Variants in KIF17 observed in about 807,000 individuals in gnomAD.
KIF17 encodes the protein kinesin-like protein KIF17.
KIF17 carries 80 observed loss-of-function variants against 96.8 expected under a neutral mutation model. The ratio of observed to expected loss-of-function variants is 0.83; its 90% CI spans 0.69 to 1.00. KIF17 has a LOEUF of 1.00. Ranked by LOEUF, KIF17 falls within the 50% of genes least tolerant of loss-of-function variation. KIF17 has a pLI of 0.00. For synonymous variants in KIF17, 567 were observed against 587.5 expected (o/e 0.97, Z 0.51); for missense variants, 1,280 against 1,372.9 (o/e 0.93, Z 1.07).
intron 6 of KIF17, among the ~76,000 whole-genome samples, chr1:20,698,081 C>A (rs1052846195): frequency 3.9e-5 from 6 of 152,204 alleles, no homozygotes; most frequent in Non-Finnish European, 8.8e-5. Context: ...TCCTTCAAAA[C>A]GGAGGGGAGA....
At chr1:20,715,455 A>G (rs1452106082) in intron 2 of KIF17, 38 bp downstream of exon 2, 1 of 1,606,358 alleles carries the variant, frequency 6.2e-7, no homozygotes, top group Admixed American at 1.7e-5. Context: ...GCCCAGCTGC[A>G]GCTCTGGCCC....
chr1:20,695,599 C>T (rs60962147), intron 6 of KIF17, among the ~76,000 whole-genome samples: 39,180 of 151,848 alleles, frequency 0.26, 5,573 homozygotes, highest in African/African-American at 0.37. Flanking sequence ...ACCCTCCTCT[C>T]CCCCCACATC....
intron 11 of KIF17, among the ~76,000 whole-genome samples, chr1:20,678,880 C>T (rs1000352698): frequency 2.6e-5 from 4 of 151,542 alleles, no homozygotes; most frequent in Non-Finnish European, 4.4e-5. Context: ...GAGGTGGAAA[C>T]TGAAAGTCCT....
At chr1:20,673,875 TATA>T (rs1190264072) in intron 11 of KIF17, among the ~76,000 whole-genome samples, 1 of 151,942 alleles carries the variant, frequency 6.6e-6, no homozygotes, top group Non-Finnish European at 1.5e-5. Flanking sequence ...TGTTAGTGGG[TATA>T]ATAATCATTA....
intron 13 of KIF17, 104 bp downstream of exon 13, chr1:20,670,317 G>A (rs2053617722): frequency 4.4e-6 from 5 of 1,128,424 alleles, no homozygotes; most frequent in South Asian, 1.2e-5. Context: ...CCTTAGGCGG[G>A]AGGAAAGTGG....
chr1:20,703,178 A>AATGG (rs1553151971), intron 5 of KIF17, among the ~76,000 whole-genome samples: 26 of 135,794 alleles, frequency 1.9e-4, no homozygotes, highest in Non-Finnish European at 3.6e-4. Context: ...TGGATGGATG[A>AATGG]ATGGATGGAC....
intron 11 of KIF17, among the ~76,000 whole-genome samples, chr1:20,681,145 G>A (rs1461688847): frequency 4.0e-5 from 6 of 148,646 alleles, no homozygotes; most frequent in Non-Finnish European, 7.4e-5. Flanking sequence ...AAAAATCCAG[G>A]AAAATAAAAA....
chr1:20,674,706 G>A (rs2053706511), intron 11 of KIF17, among the ~76,000 whole-genome samples: 1 of 151,808 alleles, frequency 6.6e-6, no homozygotes, highest in Non-Finnish European at 1.5e-5. Context: ...CTTACATTTA[G>A]GTTTGGATCC....
intron 4 of KIF17, among the ~76,000 whole-genome samples, chr1:20,706,463 T>C: frequency 6.6e-6 from 1 of 151,870 alleles, no homozygotes; most frequent in East Asian, 2.0e-4. Flanking sequence ...TGGTGGCACA[T>C]GCCTGTAATC....
chr1:20,717,735 G>C lies in KIF17; in HGVS notation c.-29C>G, dbSNP rs779167656. 5 of 1,529,016 alleles carry C rather than the reference G, an allele frequency of 3.3e-6. No homozygotes were observed. The allele number at this position is 1,529,016 out of a possible 1,614,324, so 94.7% of individuals were successfully genotyped here. On this transcript the variant is annotated 5_prime_UTR_variant, in exon 1 of 15. Coordinates refer to ENST00000400463, the MANE Select transcript of KIF17 (RefSeq NM_001122819.3). ...GCCGCGCCCAGGACCAACGGGACCA[G>C]AGCTGACCCCCGCCCCGCCGGGGAC...
At chr1:20,679,448 C>G (rs929764318) in intron 11 of KIF17, among the ~76,000 whole-genome samples, 4 of 152,082 alleles carry the variant, frequency 2.6e-5, no homozygotes, top group Non-Finnish European at 4.4e-5. Flanking sequence ...CCACTGCACT[C>G]CAGCCTGGGC....
chr1:20,675,351 A>G (rs915441512), intron 11 of KIF17, among the ~76,000 whole-genome samples: 14 of 148,706 alleles, frequency 9.4e-5, no homozygotes, highest in African/African-American at 3.0e-4. Flanking sequence ...GGGAGGCTGA[A>G]GCAGGAGAAT....
In KIF17 at chr1:20,717,654, C is replaced by G. The variant is rs572876276; in HGVS notation, c.53G>C (p.Arg18Pro). 113 of 1,606,212 alleles carry G rather than the reference C, an allele frequency of 7.0e-5. No homozygotes were observed. The South Asian group carries it at 1.1e-3, about 16-fold the overall frequency. The change falls in exon 1 of 15, where the codon CGG becomes CCG. Residue 18 changes from arginine (R) to proline (P), a missense_variant. By Grantham distance (103) the Arg-to-Pro change is moderately radical. Coordinates refer to ENST00000400463, the MANE Select transcript of KIF17 (RefSeq NM_001122819.3). Reference protein sequence around the residue: ...VVVRCRPMNQRERELRCQPVV... With the variant: ...VVVRCRPMNQPERELRCQPVV... ...GGGCTGGCAGCGCAGCTCTCGCTCC[C>G]GCTGGTTCATGGGACGGCAGCGCAC... is the stretch of plus-strand genomic sequence containing the variant.
At position 20,704,453 on chromosome 1, in the gene KIF17, G is replaced by C; in HGVS notation, c.1117C>G (p.Leu373Val). The C allele has an allele frequency of 6.2e-7, 1 of 1,613,846 alleles. No individual in the cohort carries two copies. The highest frequency in any genetic ancestry group is 8.5e-7 in the Non-Finnish European group (1 of 1,179,828). ...TACCCCAACGTGGTCCCACCTGACA[G>C]GCTGCTGGGGCTCATCTGCTGTGTC... is the stretch of plus-strand genomic sequence containing the variant. The part of the protein sequence containing the change: ...ILTQQMSPSS[L>V]SALLSRQVPP... Residue 373 changes from leucine to valine, a missense_variant, in exon 5 of 15, where the codon CTG (leucine) becomes GTG (valine). Leu to Val is a conservative substitution (Grantham distance 32). Transcript: ENST00000400463. The surrounding 1 kb of genome is among the most constrained non-coding windows in gnomAD (Gnocchi z 6.8).
At chr1:20,712,506 G>A (rs1422704649) in intron 3 of KIF17, among the ~76,000 whole-genome samples, 1 of 137,368 alleles carries the variant, frequency 7.3e-6, no homozygotes, top group Non-Finnish European at 1.6e-5. Context: ...GCCAGCTTGG[G>A]CAACGCAGCG....
At chr1:20,713,910 C>CG (rs1051912444) in intron 2 of KIF17, among the ~76,000 whole-genome samples, 3 of 151,952 alleles carry the variant, frequency 2.0e-5, no homozygotes, top group Non-Finnish European at 2.9e-5. Context: ...AAAAACAGGG[C>CG]GGGGCGCTGC....
At position 20,700,441 on chromosome 1, in the gene KIF17, G is replaced by A. The variant is rs1291600672; in HGVS notation, c.1124-1953C>T. ...CAACTGGATGTAGATTTGAGAGAAC[G>A]TGAGAAGCCAGGGGCGACCCCAAGT... On this transcript the variant is annotated intron_variant, in intron 5 of 14. Coordinates refer to ENST00000400463, the MANE Select transcript of KIF17 (RefSeq NM_001122819.3). The surrounding 1 kb of genome is among the most constrained non-coding windows in gnomAD (Gnocchi z 4.6). Among the ~76,000 whole-genome samples, 1 of 152,204 alleles carries A rather than the reference G, an allele frequency of 6.6e-6. No individual in the cohort carries two copies. Among genetic ancestry groups the A allele is most frequent in the Non-Finnish European group, 1.5e-5 (1 of 68,044 alleles).
At position 20,687,626 on chromosome 1, in the gene KIF17, G is replaced by A. The variant is rs1422807383; in HGVS notation, c.1700C>T (p.Pro567Leu). The A allele has an allele frequency of 1.2e-6, 2 of 1,614,050 alleles. No homozygotes were observed. The highest frequency in any genetic ancestry group is 2.2e-5 in the East Asian group (1 of 44,892). Residue 567 changes from proline (P) to leucine (L), a missense_variant, in exon 8 of 15, where the codon CCC becomes CTC. Transcript: ENST00000400463. The surrounding 1 kb of genome is among the most constrained non-coding windows in gnomAD (Gnocchi z 4.4). ...GTATCTGCTCCTGGACTCCTCAGTG[G>A]GCATGGAGACCTCCACGTTGGAGGG... ...EEPSNVEVSM[P>L]TEESRSRYFL...
Position 20,687,988 on chromosome 1 carries a change from TGA to T in KIF17, c.1382-46_1382-45del. On this transcript the variant is annotated intron_variant, in intron 7 of 14. Transcript: ENST00000400463. This position sits in a 1 kb window ranked among gnomAD's most constrained non-coding sequence, Gnocchi z 4.4. ...CCTTCAGGTTTTTAAAGGGTCAGAA[TGA>T]GAGACCCTTCCCTAGAAGGTGGCTC... The T allele has an allele frequency of 6.6e-7, 1 of 1,514,006 alleles. No homozygotes were observed. Among genetic ancestry groups the T allele is most frequent in the Non-Finnish European group, 9.2e-7 (1 of 1,089,900 alleles). 93.8% of individuals were successfully genotyped at this position (1,514,006 alleles called of 1,614,324 possible). A position where few individuals can be genotyped will look rare whatever the true frequency, so the allele number is the denominator to read the frequency against.
Sources: allele counts gnomAD v4.1 joint callset (sites outside exome capture counted in the v4.1 genomes callset), GRCh38; gene constraint gnomAD v4.1.1; non-coding constraint Gnocchi (gnomAD v3.1); transcripts MANE v1.5; gene names NCBI Gene and HGNC (gene_info 2026-07-23, HGNC 2026-07-21).